Variants in BCAR1 observed in about 807,000 individuals in gnomAD.
BCAR1 encodes the protein breast cancer anti-estrogen resistance protein 1.
A neutral mutation model predicts 67.6 loss-of-function variants in BCAR1; 30 were observed. The observed-to-expected ratio is 0.44, with a 90% CI of 0.33 to 0.60. The LOEUF (loss-of-function observed/expected upper bound fraction) is 0.60, where lower values mean the gene tolerates loss of function less well. Among genes scored for constraint, BCAR1 ranks in the 20% least tolerant of loss-of-function variants. BCAR1 has a pLI of 0.02. For missense variants in BCAR1, 1,313 were observed against 1,222.3 expected (o/e 1.07, Z -1.11); for synonymous variants, 626 against 556.7 (o/e 1.12, Z -1.75).
At chr16:75,245,391 C>A (rs1357441809) in intron 1 of BCAR1, among the ~76,000 whole-genome samples, 1 of 152,190 alleles carries the variant, frequency 6.6e-6, no homozygotes, top group African/African-American at 2.4e-5. Flanking sequence ...GACCGCCCCG[C>A]GAAGGCCCCT....
rs948218186 is a variant in BCAR1, at chr16:75,237,057, G to A, written c.796-59C>T. On this transcript the variant is annotated intron_variant, in intron 3 of 6. Coordinates refer to ENST00000162330, the MANE Select transcript of BCAR1 (RefSeq NM_014567.5). ...AGGGCCACTTGGGGGAATAGGAAAGGTGGGAACCCCGCAGCACCGTCCCCA... is the reference window on the plus strand; with the variant it reads ...AGGGCCACTTGGGGGAATAGGAAAGATGGGAACCCCGCAGCACCGTCCCCA... 67 of 1,538,724 alleles carry A rather than the reference G, an allele frequency of 4.4e-5. No individual in the cohort carries two copies. The Admixed American group carries it at 7.2e-4, about 17-fold the overall frequency.
intron 1 of BCAR1, among the ~76,000 whole-genome samples, chr16:75,263,039 G>T (rs116774389): frequency 0.029 from 4,447 of 152,134 alleles, 98 homozygotes; most frequent in Middle Eastern, 0.12. Context: ...TCACTGGCCA[G>T]GTGACCCTGG....
At chr16:75,237,956 C>A in intron 2 of BCAR1, 1 of 1,103,192 alleles carries the variant, frequency 9.1e-7, no homozygotes, top group Non-Finnish European at 1.2e-6. Flanking sequence ...GCAGCTGGGA[C>A]CAAGGCCCCC....
chr16:75,234,289 C>T (rs917745100), intron 5 of BCAR1, among the ~76,000 whole-genome samples: 3 of 152,086 alleles, frequency 2.0e-5, no homozygotes, highest in Non-Finnish European at 2.9e-5. Context: ...TAGGAAGCAA[C>T]CCTGGCAGCC....
intron 1 of BCAR1, among the ~76,000 whole-genome samples, chr16:75,245,498 G>A (rs112758113): frequency 2.6e-5 from 4 of 152,352 alleles, no homozygotes; most frequent in African/African-American, 9.6e-5. Context: ...CAGGGAGGCC[G>A]GGGGCTCTGT....
chr16:75,231,309 T>C (rs1666861740), intron 6 of BCAR1, among the ~76,000 whole-genome samples: 1 of 152,122 alleles, frequency 6.6e-6, no homozygotes, highest in African/African-American at 2.4e-5. Context: ...GGTCTCAAAC[T>C]CCTGACCTCA....
chr16:75,266,001 C>T lies in BCAR1; in HGVS notation c.66+1914G>A. ...GACTGTCCGGCCGCTCCAGCCGCGC[C>T]GCGCATGCGCCGCCCGCGCCGCCCC... On this transcript the variant is annotated intron_variant, in intron 1 of 6. Transcript: ENST00000393422. 4 of 1,037,756 alleles carry T rather than the reference C, an allele frequency of 3.9e-6. No homozygotes were observed. In the South Asian group the frequency reaches 1.8e-4, roughly 47 times the overall value. 64.3% of individuals were successfully genotyped at this position (1,037,756 alleles called of 1,614,324 possible).
At chr16:75,260,023 G>A (rs2077868019) in intron 1 of BCAR1, among the ~76,000 whole-genome samples, 2 of 151,918 alleles carry the variant, frequency 1.3e-5, no homozygotes. Flanking sequence ...GTGAAACCCT[G>A]TCTCTACTAA....
chr16:75,256,709 C>T (rs931108767), intron 1 of BCAR1, among the ~76,000 whole-genome samples: 1 of 151,884 alleles, frequency 6.6e-6, no homozygotes, highest in Non-Finnish European at 1.5e-5. Context: ...AGCTCACAGC[C>T]GCCCGAGGCC....
chr16:75,237,084 G>A, intron 3 of BCAR1, 86 bp from the exon 4 acceptor site: 1 of 1,512,698 alleles, frequency 6.6e-7, no homozygotes, highest in South Asian at 1.3e-5. Flanking sequence ...CCGTCCCCAG[G>A]CCTGGCCGGG....
At chr16:75,245,871 G>C (rs1460227566) in intron 1 of BCAR1, 2 of 151,892 alleles carry the variant, frequency 1.3e-5, no homozygotes, top group African/African-American at 4.8e-5. Flanking sequence ...CTCAGACCTG[G>C]GCCCGGCTGT....
At chr16:75,257,146 G>A (rs148919840) in intron 1 of BCAR1, among the ~76,000 whole-genome samples, 33 of 152,300 alleles carry the variant, frequency 2.2e-4, no homozygotes, top group African/African-American at 7.2e-4. Flanking sequence ...CTGGCCGGGT[G>A]GGCAGGGATG....
chr16:75,243,192 C>T (rs1005456917), intron 1 of BCAR1, 102 bp from the exon 2 acceptor site: 32 of 1,250,372 alleles, frequency 2.6e-5, no homozygotes, highest in Non-Finnish European at 3.2e-5. Flanking sequence ...AGCTTTGATA[C>T]TAGGAAAAGA....
In BCAR1 at chr16:75,237,229, T is replaced by C. The variant is rs1237118275; in HGVS notation, c.749A>G (p.Asp250Gly). 8 of 1,563,194 alleles carry C rather than the reference T, an allele frequency of 5.1e-6. No homozygotes were observed. The South Asian group carries it at 9.4e-5, about 18-fold the overall frequency. The part of the protein sequence containing the change: ...LLAPGPQDIY[D>G]VPPVRGLLPS... ...AAGCAGCCCCCGAACCGGGGGCACA[T>C]CATAGATGTCCTGTGGCCCCGGGGC... The change falls in exon 3 of 7, where the codon GAT becomes GGT. Residue 250 changes from aspartate (D) to glycine (G), a missense_variant. Coordinates refer to ENST00000162330, the MANE Select transcript of BCAR1 (RefSeq NM_014567.5).
chr16:75,258,554 G>A (rs1015062533), intron 1 of BCAR1, among the ~76,000 whole-genome samples: 1 of 152,228 alleles, frequency 6.6e-6, no homozygotes, highest in Non-Finnish European at 1.5e-5. Context: ...AAACGTAAAC[G>A]CTTGCAAAGC....
chr16:75,239,528 C>T (rs952238212), intron 2 of BCAR1, among the ~76,000 whole-genome samples: 1 of 152,186 alleles, frequency 6.6e-6, no homozygotes, highest in Non-Finnish European at 1.5e-5. Flanking sequence ...AGGAAGGGGA[C>T]AAAGTGGGCC....
At chr16:75,243,113 T>A in intron 1 of BCAR1, 23 bp from the exon 2 acceptor site, 1 of 1,562,098 alleles carries the variant, frequency 6.4e-7, no homozygotes, top group Non-Finnish European at 8.7e-7. Flanking sequence ...GACACAGGTG[T>A]GAGAACAGAA....
At chr16:75,246,764 G>T (rs557015956) in intron 1 of BCAR1, 2 of 152,442 alleles carry the variant, frequency 1.3e-5, no homozygotes, top group Admixed American at 6.5e-5. Context: ...GCCTCCCCCG[G>T]AACCCCTGCC....
chr16:75,251,295 G>A (rs1349722105), intron 1 of BCAR1, among the ~76,000 whole-genome samples, 176 bp downstream of exon 1: 2 of 151,930 alleles, frequency 1.3e-5, no homozygotes, highest in Admixed American at 6.5e-5. Context: ...CGGAGCCCCC[G>A]CGGTTCCTGC....
Sources: allele counts gnomAD v4.1 joint callset (sites outside exome capture counted in the v4.1 genomes callset), GRCh38; gene constraint gnomAD v4.1.1; transcripts MANE v1.5; gene names NCBI Gene and HGNC (gene_info 2026-07-23, HGNC 2026-07-21).